The following FCSK variants were observed in gnomAD, a reference collection of about 807,000 sequenced individuals.
FCSK encodes the protein fucose kinase, also known as L-fucose kinase.
A neutral mutation model predicts 122.5 loss-of-function variants in FCSK; 123 were observed. The observed-to-expected ratio is 1.00, with a 90% confidence interval of 0.87 to 1.17. The LOEUF is 1.17. FCSK is among the 50% of genes most tolerant of loss of function. The probability of loss-of-function intolerance (pLI) is 0.00; values close to 1 mark genes in which losing one functional copy is unlikely to be tolerated. For synonymous variants in FCSK, 620 were observed against 625.5 expected, an observed-to-expected ratio of 0.99 and a Z score of 0.13; for missense variants, 1,366 against 1,450.4, an observed-to-expected ratio of 0.94 and a Z score of 0.95.
intron 1 of FCSK, among the ~76,000 whole-genome samples, chr16:70,456,838 GTGAAACCCCGTCTC>G (rs2048106013): frequency 6.6e-6 from 1 of 152,106 alleles, no homozygotes; most frequent in African/African-American, 2.4e-5. Flanking sequence ...GGCCAGCATG[GTGAAACCCCGTCTC>G]TACTAAAAAT....
intron 1 of FCSK, among the ~76,000 whole-genome samples, chr16:70,459,341 A>G (rs1341863289): frequency 6.6e-6 from 1 of 152,164 alleles, no homozygotes; most frequent in Non-Finnish European, 1.5e-5. Context: ...GTTTGAGACC[A>G]GCCTGGCCAA....
chr16:70,466,009 G>A, intron 4 of FCSK, 123 bp from the exon 5 acceptor site: 8 of 987,048 alleles, frequency 8.1e-6, no homozygotes, highest in Non-Finnish European at 1.2e-5. Flanking sequence ...TATATTGTAG[G>A]AGAAAATATC....
chr16:70,466,161 C>T lies in FCSK; in HGVS notation c.315C>T (p.Gly105=). Residue 105 remains glycine, a synonymous_variant, in exon 5 of 24, where the codon GGC becomes GGT. Transcript: ENST00000288078. ...MGRDFPFDDC[G]RAFTCLPVEN... ...GAGACTTCCCCTTTGATGACTGTGG[C>T]AGGGCTTTCACCTGCCTCCCCGTGG... 6.2e-7 allele frequency: 1 copy of T among 1,613,940 alleles called. No individual in the cohort carries two copies. The highest frequency in any genetic ancestry group is 1.6e-4 in the Middle Eastern group (1 of 6,062).
intron 11 of FCSK, among the ~76,000 whole-genome samples, chr16:70,470,764 G>A (rs1030260384): frequency 6.6e-6 from 1 of 152,176 alleles, no homozygotes; most frequent in Admixed American, 6.5e-5. Context: ...TGGCCCCCAG[G>A]GTGGCAAGGT....
chr16:70,470,062 C>G (rs909318862), intron 10 of FCSK, among the ~76,000 whole-genome samples: 4 of 151,524 alleles, frequency 2.6e-5, no homozygotes, highest in Admixed American at 6.6e-5. Context: ...TCAGGCTGGT[C>G]TCGAACTCCT....
In FCSK at chr16:70,465,133, C is replaced by T. The variant is rs374955788; in HGVS notation, c.242C>T (p.Thr81Ile). The change falls in exon 4 of 24, where the codon ACA becomes ATA. Residue 81 changes from threonine to isoleucine, a missense_variant. Coordinates refer to ENST00000288078, the MANE Select transcript of FCSK (RefSeq NM_145059.3). ...GCTTTCCCACTCCTGCAGGTGGTCA[C>T]ATCCGATGTCCTGCACTCGGCCTGG... ...LSARAGFTVV[T>I]SDVLHSAWIL... 41 of 1,613,806 alleles carry T rather than the reference C, an allele frequency of 2.5e-5. No individual in the cohort carries two copies. Among genetic ancestry groups the T allele is most frequent in the Non-Finnish European group, 3.2e-5 (38 of 1,179,954 alleles).
intron 1 of FCSK, among the ~76,000 whole-genome samples, chr16:70,459,287 A>G (rs1417909761): frequency 6.6e-6 from 1 of 151,922 alleles, no homozygotes; most frequent in African/African-American, 2.4e-5. Flanking sequence ...GCTCATTCCC[A>G]GCATTTTGGG....
Position 70,473,133 on chromosome 16 carries a change from G to T in FCSK, c.1557G>T (p.Leu519=), listed in dbSNP as rs770704887. 3.8e-6 allele frequency: 6 copies of T among 1,564,230 alleles called. No homozygotes were observed. In the South Asian group the frequency reaches 5.9e-5, roughly 15 times the overall value. Residue 519 remains leucine (L), a synonymous_variant, in exon 15 of 24, where the codon CTG becomes CTT. Transcript: ENST00000288078. The surrounding 1 kb of genome is among the most constrained non-coding windows in gnomAD (Gnocchi z 4.9). ...LDHQEDGGEA[L]RAWRASWRLS... is the part of the protein sequence containing the mutation. Reference sequence around the variant, plus strand: ...ACCAGGAGGATGGGGGCGAGGCCCTGCGAGCCTGGCGGGCCTCCTGGCGCC... The same window carrying T: ...ACCAGGAGGATGGGGGCGAGGCCCTTCGAGCCTGGCGGGCCTCCTGGCGCC...
chr16:70,475,262 C>T (rs1010182998), intron 18 of FCSK, 88 bp from the exon 19 acceptor site: 3 of 1,497,094 alleles, frequency 2.0e-6, no homozygotes, highest in Middle Eastern at 3.4e-4. Context: ...CGGATGAGTC[C>T]CGCACTGGGC....
chr16:70,467,421 G>A lies in FCSK; in HGVS notation c.532G>A (p.Gly178Arg), dbSNP rs1325487480. The A allele has an allele frequency of 1.9e-6, 3 of 1,610,854 alleles. No individual in the cohort carries two copies. The highest frequency in any genetic ancestry group is 1.1e-5 in the South Asian group (1 of 90,406). ...GGGAGCCAGAGTGATCGCCCTCCCA[G>A]GGAGCCCGGCCTACGCTCAGAATCA... ...FRGARVIALP[G>R]SPAYAQNHGV... is the part of the protein sequence containing the mutation. The change falls in exon 7 of 24, where the codon GGG becomes AGG. Residue 178 changes from glycine (G) to arginine (R), a missense_variant. Physicochemically the swap from Gly to Arg is moderately radical, Grantham distance 125. Coordinates refer to ENST00000288078, the MANE Select transcript of FCSK (RefSeq NM_145059.3).
chr16:70,478,137 C>T (rs2048872059), intron 20 of FCSK, 135 bp from the exon 21 acceptor site: 1 of 767,178 alleles, frequency 1.3e-6, no homozygotes, highest in Non-Finnish European at 2.1e-6. Flanking sequence ...AGCTGCATAG[C>T]TCACTGTCCT....
chr16:70,466,068 C>G, intron 4 of FCSK, 64 bp from the exon 5 acceptor site: 1 of 1,567,256 alleles, frequency 6.4e-7, no homozygotes, highest in Non-Finnish European at 8.7e-7. Context: ...TCTGCCTGCA[C>G]AGCTGATGAG....
chr16:70,472,720 G>C, intron 14 of FCSK, 115 bp downstream of exon 14: 1 of 926,642 alleles, frequency 1.1e-6, no homozygotes, highest in Non-Finnish European at 1.6e-6. Context: ...ACCATCCAGG[G>C]GCCTGGGTGG....
rs776534015 is a variant in FCSK, at chr16:70,473,058, C to G, written c.1482C>G (p.Leu494=). ...CLPSARLFPV[L]HPSRELGPQD... is the part of the protein sequence containing the mutation. ...CCAGCGCCCGCCTCTTTCCTGTGCT[C>G]CACCCCTCGAGGGAGCTGGGACCCC... is the stretch of plus-strand genomic sequence containing the variant. Residue 494 remains leucine, a synonymous_variant, in exon 15 of 24, where the codon CTC becomes CTG. Transcript: ENST00000288078. The surrounding 1 kb of genome is among the most constrained non-coding windows in gnomAD (Gnocchi z 4.9). 14 of 1,589,530 alleles carry G rather than the reference C, an allele frequency of 8.8e-6. No individual in the cohort carries two copies. In the South Asian group the frequency reaches 9.2e-5, roughly 10 times the overall value.
At position 70,470,430 on chromosome 16, in the gene FCSK, A is replaced by T; in HGVS notation, c.1068+4A>T. 2 of 1,566,242 alleles carry T rather than the reference A, an allele frequency of 1.3e-6. No homozygotes were observed. The highest frequency in any genetic ancestry group is 1.8e-6 in the Non-Finnish European group (2 of 1,138,024). Reference sequence around the variant, plus strand: ...GATTGTGCACTCCCAGGTGGAGGTGAGACCTCCCTGCCCCTCCGGTGCCTG... The same window carrying T: ...GATTGTGCACTCCCAGGTGGAGGTGTGACCTCCCTGCCCCTCCGGTGCCTG... On this transcript the variant is annotated splice_donor_region_variant and intron_variant, in intron 11 of 23. Coordinates refer to ENST00000288078, the MANE Select transcript of FCSK (RefSeq NM_145059.3).
At position 70,474,244 on chromosome 16, in the gene FCSK, C is replaced by T. The variant is rs2048722951; in HGVS notation, c.1893C>T (p.Asn631=). Residue 631 remains asparagine (N), a synonymous_variant, in exon 16 of 24, where the codon AAC becomes AAT. Coordinates refer to ENST00000288078, the MANE Select transcript of FCSK (RefSeq NM_145059.3). ...RGGLRSGPAA[N]PEWMRPFSYL... ...GCTTGCGGAGCGGGCCAGCTGCCAA[C>T]CCTGAGTGGATGCGGCCCTTCTCAT... is the stretch of plus-strand genomic sequence containing the variant. 1 of 1,610,854 alleles carries T rather than the reference C, an allele frequency of 6.2e-7. No individual in the cohort carries two copies. The highest frequency in any genetic ancestry group is 1.7e-5 in the Admixed American group (1 of 59,654).
rs137882239 is a variant in FCSK at position 70,455,990 on chromosome 16, C to T, written c.-23+1360C>T. On this transcript the variant is annotated intron_variant, in intron 1 of 23. Coordinates refer to ENST00000288078, the MANE Select transcript of FCSK (RefSeq NM_145059.3). ...TTGAGTCCGGGAGTTGTAGGTCAGC[C>T]TGGGCAACAAAGGGAGGCCCCATCT... 1.1e-3 allele frequency among the ~76,000 whole-genome samples: 166 copies of T among 151,968 alleles called. 1 individual carries two copies. The highest frequency in any genetic ancestry group is 9.4e-3 in the Admixed American group (144 of 15,248).
rs17879964 is a variant in FCSK at position 70,467,618 on chromosome 16, A to G, written c.582+147A>G. The G allele has an allele frequency of 0.011, 7,364 of 682,006 alleles. 415 individuals carry two copies. The African/African-American group carries it at 0.12, about 11-fold the overall frequency. The allele number at this position is 682,006 out of a possible 1,614,324, so 42.2% of individuals were successfully genotyped here. On this transcript the variant is annotated intron_variant, in intron 7 of 23. Coordinates refer to ENST00000288078, the MANE Select transcript of FCSK (RefSeq NM_145059.3). ...GAGTTTCCTCCGTGGCAGTGGCACC[A>G]GTGCTCCCTTACTCTCGCCAAAAAT...
chr16:70,475,031 C>T lies in FCSK; in HGVS notation c.2377+20C>T, dbSNP rs1486828288. On this transcript the variant is annotated intron_variant, in intron 18 of 23. Coordinates refer to ENST00000288078, the MANE Select transcript of FCSK (RefSeq NM_145059.3). ...CCCCAGGTCAGGCACCCTGGGACCT[C>T]TGCAGGTGGGGCTGGCCAGCTGGGG... is the stretch of plus-strand genomic sequence containing the variant. 1 of 1,569,970 alleles carries T rather than the reference C, an allele frequency of 6.4e-7. No homozygotes were observed. Among genetic ancestry groups the T allele is most frequent in the Non-Finnish European group, 8.6e-7 (1 of 1,160,476 alleles).
Sources: gnomAD v4.1 joint callset for allele counts (sites outside exome capture counted in the v4.1 genomes callset) on GRCh38, gnomAD v4.1.1 for gene constraint, Gnocchi (gnomAD v3.1) non-coding constraint, MANE v1.5 for transcripts, NCBI Gene and HGNC (gene_info 2026-07-23, HGNC 2026-07-21) for gene names.